DNM3: variants seen among roughly 807,000 people sequenced by gnomAD.
DNM3 encodes the protein dynamin-3.
DNM3 carries 47 observed loss-of-function variants against 101.6 expected under a neutral mutation model. The observed-to-expected ratio is 0.46, with a 90% CI of 0.37 to 0.59. DNM3 has a LOEUF of 0.59. Ranked by LOEUF, DNM3 falls within the 20% of genes least tolerant of loss-of-function variation. The pLI, the probability that DNM3 is intolerant of heterozygous loss-of-function variation, is 0.00. For missense variants in DNM3, 849 were observed against 1,085.7 expected (o/e 0.78, Z 3.06); for synonymous variants, 385 against 387.9 (o/e 0.99, Z 0.09).
At chr1:172,321,925 A>G (rs1467405279) in intron 16 of DNM3, among the ~76,000 whole-genome samples, 2 of 152,150 alleles carry the variant, frequency 1.3e-5, no homozygotes, top group East Asian at 1.9e-4. Flanking sequence ...CATTTTTAAA[A>G]AGGACTCTTT....
intron 14 of DNM3, among the ~76,000 whole-genome samples, chr1:172,172,422 CG>C (rs1188679133): frequency 1.3e-5 from 2 of 151,536 alleles, no homozygotes; most frequent in African/African-American, 4.8e-5. Context: ...AGCATGGATA[CG>C]TCGGACAGAG....
intron 4 of DNM3, among the ~76,000 whole-genome samples, chr1:172,010,635 T>G (rs1302875494): frequency 8.1e-6 from 1 of 123,088 alleles, no homozygotes; most frequent in Non-Finnish European, 1.7e-5. Flanking sequence ...TTTTTTTTTT[T>G]TGGTCACTGG....
At chr1:172,189,428 A>G (rs531080016) in intron 14 of DNM3, among the ~76,000 whole-genome samples, 23 of 152,078 alleles carry the variant, frequency 1.5e-4, no homozygotes, top group Non-Finnish European at 2.9e-4. Context: ...CATTTAATCT[A>G]TAGATCAAGT....
At chr1:172,269,458 GA>G (rs953392000) in intron 15 of DNM3, among the ~76,000 whole-genome samples, 1 of 152,104 alleles carries the variant, frequency 6.6e-6, no homozygotes, top group African/African-American at 2.4e-5. Context: ...ACATGCTACA[GA>G]AAAAATATGA....
At chr1:171,914,446 C>T (rs890611125) in intron 1 of DNM3, among the ~76,000 whole-genome samples, 10 of 152,098 alleles carry the variant, frequency 6.6e-5, no homozygotes, top group African/African-American at 2.4e-4. Flanking sequence ...CGTGAGCCAC[C>T]ACAGCTGGCT....
intron 4 of DNM3, among the ~76,000 whole-genome samples, chr1:172,014,523 T>C (rs1288049155): frequency 6.6e-6 from 1 of 152,192 alleles, no homozygotes; most frequent in Non-Finnish European, 1.5e-5. Context: ...CATTGTTGTT[T>C]GAAGTTGCAA....
At chr1:172,353,331 G>A (rs1480687998) in intron 17 of DNM3, among the ~76,000 whole-genome samples, 1 of 152,044 alleles carries the variant, frequency 6.6e-6, no homozygotes, top group Non-Finnish European at 1.5e-5. Flanking sequence ...TAGTCCTAAG[G>A]TTTATGCCAG....
chr1:172,052,604 G>A (rs2050284424), intron 10 of DNM3, among the ~76,000 whole-genome samples: 1 of 152,058 alleles, frequency 6.6e-6, no homozygotes, highest in Non-Finnish European at 1.5e-5. Flanking sequence ...TGATTGCCAA[G>A]CCTAAAGGAC....
At chr1:172,364,452 A>G (rs568283119) in intron 17 of DNM3, among the ~76,000 whole-genome samples, 1 of 152,044 alleles carries the variant, frequency 6.6e-6, no homozygotes, top group East Asian at 1.9e-4. Flanking sequence ...AAGGAGTGGA[A>G]GAGCACATTA....
At chr1:172,244,355 G>A (rs148500373) in intron 14 of DNM3, among the ~76,000 whole-genome samples, 241 of 152,150 alleles carry the variant, frequency 1.6e-3, no homozygotes, top group African/African-American at 5.6e-3. Flanking sequence ...TTGACAAATG[G>A]GATCTAATTA....
At chr1:172,258,832 A>G (rs1475025791) in intron 15 of DNM3, among the ~76,000 whole-genome samples, 2 of 151,800 alleles carry the variant, frequency 1.3e-5, no homozygotes, top group Non-Finnish European at 2.9e-5. Context: ...CTTGAGATCC[A>G]TCATTGTATT....
At chr1:172,149,144 C>T (rs902998215) in intron 14 of DNM3, among the ~76,000 whole-genome samples, 3 of 152,214 alleles carry the variant, frequency 2.0e-5, no homozygotes, top group East Asian at 1.9e-4. Context: ...CATTTACGGA[C>T]GCATGTTTTG....
chr1:172,191,581 C>CTACCT (rs1331077239), intron 14 of DNM3, among the ~76,000 whole-genome samples: 32 of 152,246 alleles, frequency 2.1e-4, no homozygotes, highest in African/African-American at 7.5e-4. Context: ...ATAGGGATGG[C>CTACCT]ATTGAATCTA....
chr1:171,899,297 G>C (rs537080136), intron 1 of DNM3, among the ~76,000 whole-genome samples: 1 of 152,264 alleles, frequency 6.6e-6, no homozygotes, highest in East Asian at 1.9e-4. Context: ...TCAGTGGAGG[G>C]GAGATTTTTG....
intron 13 of DNM3, among the ~76,000 whole-genome samples, chr1:172,106,755 T>C (rs917566140): frequency 1.1e-4 from 16 of 152,182 alleles, no homozygotes; most frequent in Non-Finnish European, 1.6e-4. Flanking sequence ...AAAACATTCT[T>C]GCTTTTATTC....
intron 15 of DNM3, among the ~76,000 whole-genome samples, chr1:172,278,717 A>G (rs1372314120): frequency 6.6e-6 from 1 of 152,148 alleles, no homozygotes; most frequent in African/African-American, 2.4e-5. Flanking sequence ...ATAAGTATAC[A>G]AACTCAGCCA....
intron 17 of DNM3, among the ~76,000 whole-genome samples, chr1:172,333,243 G>T (rs1048706460): frequency 2.0e-5 from 3 of 152,120 alleles, no homozygotes; most frequent in African/African-American, 7.2e-5. Flanking sequence ...AATCTAATAA[G>T]TTAAGACAAA....
chr1:172,315,477 T>C (rs1397340230), intron 16 of DNM3, among the ~76,000 whole-genome samples: 4 of 152,052 alleles, frequency 2.6e-5, no homozygotes. Flanking sequence ...GGCAAAGAAG[T>C]TGAAAACTTT....
At chr1:171,847,764 G>A (rs1046606807) in intron 1 of DNM3, among the ~76,000 whole-genome samples, 14 of 152,138 alleles carry the variant, frequency 9.2e-5, no homozygotes, top group Admixed American at 5.9e-4. Context: ...CCTGAAAATG[G>A]AATGAATTGT....
Sources: gnomAD v4.1 joint callset for allele counts (sites outside exome capture counted in the v4.1 genomes callset) on GRCh38, gnomAD v4.1.1 for gene constraint, MANE v1.5 for transcripts, NCBI Gene and HGNC (gene_info 2026-07-23, HGNC 2026-07-21) for gene names.